PKD2: variants seen among roughly 807,000 people sequenced by gnomAD.
The protein encoded by PKD2 is polycystin 2, transient receptor potential cation channel, also known as polycystin-2.
PKD2 carries 48 observed loss-of-function variants against 105.9 expected under a neutral mutation model. The observed-to-expected ratio is 0.45, with a 90% CI of 0.36 to 0.58. The LOEUF (loss-of-function observed/expected upper bound fraction) is 0.58. Ranked by LOEUF, PKD2 falls within the 20% of genes least tolerant of loss-of-function variation. The pLI, the probability that PKD2 is intolerant of heterozygous loss-of-function variation, is 0.00. For missense variants in PKD2, 1,078 were observed against 1,255.3 expected, an observed-to-expected ratio of 0.86 and a Z score of 2.13; for synonymous variants, 464 against 481.1, an observed-to-expected ratio of 0.96 and a Z score of 0.46.
At chr4:88,044,043 G>A (rs1187491935) in intron 5 of PKD2, among the ~76,000 whole-genome samples, 1 of 152,078 alleles carries the variant, frequency 6.6e-6, no homozygotes, top group Non-Finnish European at 1.5e-5. Context: ...GCTTGTCTGG[G>A]ACTCTTCTTC....
At chr4:88,016,197 A>C (rs1270569537) in intron 1 of PKD2, among the ~76,000 whole-genome samples, 1 of 152,202 alleles carries the variant, frequency 6.6e-6, no homozygotes, top group Non-Finnish European at 1.5e-5. Context: ...GCCATGGACC[A>C]GTACCCGTCT....
chr4:88,027,630 T>A (rs545757414), intron 2 of PKD2, among the ~76,000 whole-genome samples: 5 of 152,314 alleles, frequency 3.3e-5, no homozygotes, highest in Non-Finnish European at 5.9e-5. Flanking sequence ...GAGAAGGACA[T>A]GAGATTTTGG....
At chr4:88,036,500 T>C in intron 3 of PKD2, 147 bp downstream of exon 3, 1 of 1,377,436 alleles carries the variant, frequency 7.3e-7, no homozygotes, top group Non-Finnish European at 9.9e-7. Flanking sequence ...TAGAAGTTAC[T>C]GTTCCTACTC....
At chr4:88,073,586 G>C (rs1721120120) in intron 13 of PKD2, among the ~76,000 whole-genome samples, 2 of 152,022 alleles carry the variant, frequency 1.3e-5, no homozygotes, top group African/African-American at 4.8e-5. Flanking sequence ...CCCCTCCCTG[G>C]GAGATACTGT....
intron 2 of PKD2, chr4:88,035,988 A>G (rs1021895315): frequency 1.7e-6 from 1 of 587,524 alleles, no homozygotes; most frequent in Non-Finnish European, 3.0e-6. Flanking sequence ...TAGTAAGCCA[A>G]TTTTGTTTCC....
chr4:88,059,324 T>G (rs1266552395), intron 9 of PKD2, among the ~76,000 whole-genome samples: 2 of 152,180 alleles, frequency 1.3e-5, no homozygotes, highest in African/African-American at 4.8e-5. Flanking sequence ...TATCATATAT[T>G]AAAACAATGG....
At chr4:88,058,877 T>C (rs1720458223) in intron 9 of PKD2, among the ~76,000 whole-genome samples, 1 of 152,202 alleles carries the variant, frequency 6.6e-6, no homozygotes, top group South Asian at 2.1e-4. Context: ...TATTCAATTG[T>C]CTACTGAGAA....
At chr4:88,023,910 A>G (rs1348087820) in intron 2 of PKD2, among the ~76,000 whole-genome samples, 1 of 152,196 alleles carries the variant, frequency 6.6e-6, no homozygotes, top group African/African-American at 2.4e-5. Context: ...CATCTTACCA[A>G]TGAGGTTATG....
intron 2 of PKD2, among the ~76,000 whole-genome samples, chr4:88,029,984 C>T (rs903079323): frequency 2.0e-5 from 3 of 152,092 alleles, no homozygotes; most frequent in South Asian, 2.1e-4. Flanking sequence ...CAGTAGGACA[C>T]CCCATGGTTT....
At chr4:88,027,917 T>C (rs774031070) in intron 2 of PKD2, among the ~76,000 whole-genome samples, 10 of 152,254 alleles carry the variant, frequency 6.6e-5, no homozygotes, top group South Asian at 2.1e-4. Context: ...GTAAGTTTCC[T>C]GAGGTCTCCC....
rs1052541953 is a variant in PKD2, at chr4:88,008,375, C to T, written c.595+47C>T. On this transcript the variant is annotated intron_variant, in intron 1 of 14. Coordinates refer to ENST00000237596, the MANE Select transcript of PKD2 (RefSeq NM_000297.4). ...CGGCAGATGCACGAACCAGAACGGC[C>T]GGCGCCGGCCGGGGCCATCGCCCGC... 10 of 1,470,002 alleles carry T rather than the reference C, an allele frequency of 6.8e-6. No homozygotes were observed. In the African/African-American group the frequency reaches 1.2e-4, roughly 17 times the overall value. 91.1% of individuals were successfully genotyped at this position (1,470,002 alleles called of 1,614,324 possible). A position where few individuals can be genotyped will look rare whatever the true frequency, so the allele number is the denominator to read the frequency against.
At chr4:88,013,798 A>G (rs1726466745) in intron 1 of PKD2, among the ~76,000 whole-genome samples, 1 of 152,010 alleles carries the variant, frequency 6.6e-6, no homozygotes, top group South Asian at 2.1e-4. Context: ...ATTTTGAAGA[A>G]TGAGAGGGGA....
rs1351860774 is a variant in PKD2 at position 88,008,335 on chromosome 4, G to A, written c.595+7G>A. Reference sequence around the variant, plus strand: ...CTGGTTCGCGGGCTGCGAGGTAAGAGCGCGCGACCCGCAGCGGCAGATGCA... The same window carrying A: ...CTGGTTCGCGGGCTGCGAGGTAAGAACGCGCGACCCGCAGCGGCAGATGCA... On this transcript the variant is annotated splice_region_variant and intron_variant, in intron 1 of 14. Transcript: ENST00000237596. The A allele has an allele frequency of 3.3e-6, 5 of 1,513,076 alleles. No homozygotes were observed. The African/African-American group carries it at 5.7e-5, about 17-fold the overall frequency. The allele number at this position is 1,513,076 out of a possible 1,614,324, so 93.7% of individuals were successfully genotyped here.
chr4:88,059,472 T>C (rs1237953611), intron 9 of PKD2, among the ~76,000 whole-genome samples: 6 of 152,062 alleles, frequency 3.9e-5, no homozygotes, highest in African/African-American at 1.4e-4. Context: ...GCCACCTAGT[T>C]TTCTCCGTTT....
At chr4:88,054,452 T>A (rs1224926021) in intron 7 of PKD2, among the ~76,000 whole-genome samples, 1 of 151,872 alleles carries the variant, frequency 6.6e-6, no homozygotes. Context: ...AAGTAATGAT[T>A]AAGTAATGTG....
rs200314088 is a variant in PKD2 at position 88,038,401 on chromosome 4, T to G, written c.994T>G (p.Ser332Ala). ...ACTCCGAGTCAGAAATGGATCCTGC[T>G]CTATCCCCCAGGACTTGAGAGATGA... is the stretch of plus-strand genomic sequence containing the variant. ...RQLRVRNGSC[S>A]IPQDLRDEIK... The change falls in exon 4 of 15, where the codon TCT (serine) becomes GCT (alanine). Residue 332 changes from serine to alanine, a missense_variant. Around this residue, in one of 2 missense-constraint regions of PKD2, gnomAD observed 868 missense variants for 1,067.3 expected, o/e 0.81. Coordinates refer to ENST00000237596, the MANE Select transcript of PKD2 (RefSeq NM_000297.4). 1.3e-4 allele frequency: 209 copies of G among 1,613,574 alleles called. No individual in the cohort carries two copies. Among genetic ancestry groups the G allele is most frequent in the Middle Eastern group, 1.6e-4 (1 of 6,084 alleles).
At chr4:88,066,004 TCA>T (rs1479101966) in intron 12 of PKD2, 125 bp downstream of exon 12, 16 of 721,838 alleles carry the variant, frequency 2.2e-5, no homozygotes, top group South Asian at 8.8e-5. Flanking sequence ...TCTCTCTCTC[TCA>T]GTCGGTTTAT....
intron 2 of PKD2, among the ~76,000 whole-genome samples, chr4:88,033,086 C>T (rs1433370997): frequency 6.6e-6 from 1 of 152,116 alleles, no homozygotes; most frequent in Admixed American, 6.5e-5. Flanking sequence ...ATGGACTTTC[C>T]TGGGACCTGG....
At position 88,031,211 on chromosome 4, in the gene PKD2, T is replaced by C. The variant is rs985061882; in HGVS notation, c.710-5009T>C. Among the ~76,000 whole-genome samples, 5 of 152,352 alleles carry C rather than the reference T, an allele frequency of 3.3e-5. No homozygotes were observed. In the East Asian group the frequency reaches 9.6e-4, roughly 29 times the overall value. On this transcript the variant is annotated intron_variant, in intron 2 of 14. Coordinates refer to ENST00000237596, the MANE Select transcript of PKD2 (RefSeq NM_000297.4). ...TGCCCAACTAGCCTAATGTAAGTAT[T>C]CTAAACATGTTTAAGGTAGGCCAGG...
Sources: gnomAD v4.1 joint callset for allele counts (sites outside exome capture counted in the v4.1 genomes callset) on GRCh38, gnomAD v4.1.1 for gene constraint, gnomAD v4.1.1 regional missense constraint, MANE v1.5 for transcripts, NCBI Gene and HGNC (gene_info 2026-07-23, HGNC 2026-07-21) for gene names.